The following NINL variants were observed in gnomAD, a reference collection of about 807,000 sequenced individuals.
The protein encoded by NINL is ninein-like protein.
Under a neutral mutation model 160.3 loss-of-function variants are expected in NINL, and 153 were observed. The observed-to-expected ratio is 0.95, with a 90% CI of 0.84 to 1.09. NINL has a LOEUF of 1.09. Ranked by LOEUF, NINL falls within the 50% of genes least tolerant of loss-of-function variation. The pLI, the probability that NINL is intolerant of heterozygous loss-of-function variation, is 0.00. For missense variants in NINL, 1,829 were observed against 1,764.0 expected (o/e 1.04, Z -0.66); for synonymous variants, 800 against 734.8 (o/e 1.09, Z -1.43).
intron 1 of NINL, among the ~76,000 whole-genome samples, chr20:25,577,969 A>G (rs2065135254): frequency 6.6e-6 from 1 of 151,656 alleles, no homozygotes; most frequent in African/African-American, 2.4e-5. Context: ...AGTAGCTGGG[A>G]TTACAGGCAT....
At chr20:25,500,019 C>T (rs1057466759) in intron 8 of NINL, among the ~76,000 whole-genome samples, 2 of 149,904 alleles carry the variant, frequency 1.3e-5, no homozygotes, top group Admixed American at 6.6e-5. Flanking sequence ...GGGAAAAGCT[C>T]TGCAGTACAC....
intron 19 of NINL, among the ~76,000 whole-genome samples, chr20:25,464,341 C>A (rs989852098): frequency 6.6e-6 from 1 of 152,086 alleles, no homozygotes. Context: ...CGATTGAACC[C>A]GGGAGGCAGA....
intron 1 of NINL, among the ~76,000 whole-genome samples, chr20:25,549,753 G>T (rs753477554): frequency 2.0e-5 from 3 of 151,938 alleles, no homozygotes; most frequent in Non-Finnish European, 4.4e-5. Context: ...CGCCCATTCA[G>T]CCCGGTTTGA....
At chr20:25,531,674 G>T (rs114136258) in intron 1 of NINL, among the ~76,000 whole-genome samples, 2,267 of 152,246 alleles carry the variant, frequency 0.015, 50 homozygotes, top group African/African-American at 0.052. Flanking sequence ...TCCTCTTCGT[G>T]AGCTCTGAAA....
intron 1 of NINL, chr20:25,540,007 A>G: frequency 7.8e-7 from 1 of 1,287,806 alleles, no homozygotes; most frequent in Non-Finnish European, 1.0e-6. Context: ...CACTGTAATA[A>G]TACACACTGT....
At chr20:25,565,903 T>G (rs1198468547) in intron 1 of NINL, among the ~76,000 whole-genome samples, 2 of 152,170 alleles carry the variant, frequency 1.3e-5, no homozygotes, top group Non-Finnish European at 2.9e-5. Context: ...CTCCCAGCAT[T>G]TGGACTCCAG....
chr20:25,576,632 A>AT (rs1555879313), intron 1 of NINL, among the ~76,000 whole-genome samples: 17 of 150,064 alleles, frequency 1.1e-4, no homozygotes, highest in Admixed American at 8.0e-4. Flanking sequence ...CTAATTTTTC[A>AT]TTTTTTTTTG....
At chr20:25,499,368 AC>A in intron 8 of NINL, 1 of 337,712 alleles carries the variant, frequency 3.0e-6, no homozygotes, top group South Asian at 1.2e-4. Context: ...GGGAGAAGCC[AC>A]CCAGGGCGTC....
chr20:25,462,216 C>T (rs545626024), intron 20 of NINL, among the ~76,000 whole-genome samples, 167 bp downstream of exon 20: 31 of 152,342 alleles, frequency 2.0e-4, no homozygotes, highest in Admixed American at 1.3e-3. Flanking sequence ...TCTTTAGATA[C>T]TGGGATTTGC....
intron 10 of NINL, 114 bp from the exon 11 acceptor site, chr20:25,491,639 C>A: frequency 1.6e-6 from 2 of 1,270,604 alleles, no homozygotes; most frequent in Non-Finnish European, 1.1e-6. Flanking sequence ...TCAGCACGTG[C>A]AGGGCCGCCC....
chr20:25,524,393 A>G (rs1039301719), intron 2 of NINL, among the ~76,000 whole-genome samples: 1 of 152,224 alleles, frequency 6.6e-6, no homozygotes, highest in African/African-American at 2.4e-5. Context: ...CTTTCTGGGA[A>G]GCATGGCTGT....
At chr20:25,489,074 A>T in intron 13 of NINL, 170 bp downstream of exon 13, 1 of 657,048 alleles carries the variant, frequency 1.5e-6, no homozygotes, top group Non-Finnish European at 2.7e-6. Context: ...ATAGGTGGCA[A>T]CGAGAGCCAG....
intron 5 of NINL, 64 bp downstream of exon 5, chr20:25,510,610 G>T: frequency 7.1e-7 from 1 of 1,415,750 alleles, no homozygotes. Flanking sequence ...CAATGACCCG[G>T]CTGTTCAGCT....
chr20:25,536,361 T>C (rs1340583147), intron 1 of NINL, among the ~76,000 whole-genome samples: 1 of 152,072 alleles, frequency 6.6e-6, no homozygotes, highest in East Asian at 1.9e-4. Context: ...AAAATAGGGA[T>C]AGGCTTTTGA....
At chr20:25,577,247 G>T (rs1394710463) in intron 1 of NINL, among the ~76,000 whole-genome samples, 2 of 152,170 alleles carry the variant, frequency 1.3e-5, no homozygotes, top group African/African-American at 4.8e-5. Context: ...AGGACCGTGG[G>T]TACTCAGTTT....
intron 13 of NINL, among the ~76,000 whole-genome samples, chr20:25,483,160 C>T (rs1415748886): frequency 6.8e-6 from 1 of 146,620 alleles, no homozygotes; most frequent in Non-Finnish European, 1.5e-5. Flanking sequence ...TGGCGAAACC[C>T]CGGTCTCTAC....
chr20:25,547,895 A>G (rs540261169), intron 1 of NINL, among the ~76,000 whole-genome samples: 10 of 152,238 alleles, frequency 6.6e-5, no homozygotes, highest in Non-Finnish European at 1.3e-4. Context: ...GCAACTTGTC[A>G]GCATCAAAGT....
chr20:25,481,814 G>T, intron 14 of NINL, 154 bp downstream of exon 14: 1 of 1,125,792 alleles, frequency 8.9e-7, no homozygotes, highest in Non-Finnish European at 1.2e-6. Context: ...GGCATCCCTG[G>T]ATCCTCCTTG....
At chr20:25,573,355 A>T (rs1445575664) in intron 1 of NINL, among the ~76,000 whole-genome samples, 1 of 152,180 alleles carries the variant, frequency 6.6e-6, no homozygotes, top group Non-Finnish European at 1.5e-5. Flanking sequence ...TATGCTGAAA[A>T]ATCCTAAGAA....
Sources: allele counts gnomAD v4.1 joint callset (sites outside exome capture counted in the v4.1 genomes callset), GRCh38; gene constraint gnomAD v4.1.1; transcripts MANE v1.5; gene names NCBI Gene and HGNC (gene_info 2026-07-23, HGNC 2026-07-21).